Variants in ITSN2 observed in about 807,000 individuals in gnomAD.
The protein encoded by ITSN2 is intersectin-2.
ITSN2 carries 156 observed loss-of-function variants against 243.7 expected under a neutral mutation model. That is an observed-to-expected ratio of 0.64 (90% CI 0.56 to 0.73). ITSN2 has a LOEUF of 0.73. ITSN2 is among the 30% of genes least tolerant of loss of function. The probability of loss-of-function intolerance (pLI) is 0.00; values close to 1 mark genes in which losing one functional copy is unlikely to be tolerated. For missense variants in ITSN2, 1,801 were observed against 1,996.1 expected, an observed-to-expected ratio of 0.90 and a Z score of 1.86; for synonymous variants, 703 against 699.9, an observed-to-expected ratio of 1.00 and a Z score of -0.07.
In ITSN2 at chr2:24,298,592, G is replaced by A. The variant is rs74323323; in HGVS notation, c.1494+73C>T. 1.4e-3 allele frequency: 2,048 copies of A among 1,421,438 alleles called. 18 individuals carry two copies. The African/African-American group carries it at 0.021, about 14-fold the overall frequency. 88.1% of individuals were successfully genotyped at this position (1,421,438 alleles called of 1,614,324 possible). On this transcript the variant is annotated intron_variant, in intron 13 of 39. Coordinates refer to ENST00000355123, the MANE Select transcript of ITSN2 (RefSeq NM_006277.3). ...ATAACAGGTGTGAGCCACCACGCCTGGCCCACAATTACATTTTTCAACAGG... is the reference window on the plus strand; with the variant it reads ...ATAACAGGTGTGAGCCACCACGCCTAGCCCACAATTACATTTTTCAACAGG...
intron 14 of ITSN2, among the ~76,000 whole-genome samples, chr2:24,294,661 G>A (rs566655275): frequency 6.6e-6 from 1 of 152,142 alleles, no homozygotes; most frequent in Non-Finnish European, 1.5e-5. Flanking sequence ...AGGACCCCAA[G>A]GGACATATTC....
intron 31 of ITSN2, among the ~76,000 whole-genome samples, chr2:24,216,605 T>C (rs2151127082): frequency 6.6e-6 from 1 of 151,778 alleles, no homozygotes; most frequent in South Asian, 2.1e-4. Flanking sequence ...AAATGAAAAA[T>C]TAGCTGGGCA....
chr2:24,340,882 TAAG>T (rs1686985723), intron 1 of ITSN2, among the ~76,000 whole-genome samples: 4 of 151,972 alleles, frequency 2.6e-5, no homozygotes, highest in Admixed American at 6.6e-5. Context: ...AAAAAATATA[TAAG>T]AAGACTGGTC....
At position 24,217,847 on chromosome 2, in the gene ITSN2, T is replaced by TG. The variant is rs1670111477; in HGVS notation, c.3806+59dup. On this transcript the variant is annotated intron_variant, in intron 31 of 39. Transcript: ENST00000355123. ...AGAAGCCCTTGCAGAGGGTTTTGTG[T>TG]GAGTCTCAGTCTGGGGGCTTTGGGG... 4 of 1,146,960 alleles carry TG rather than the reference T, an allele frequency of 3.5e-6. No homozygotes were observed. In the South Asian group the frequency reaches 3.9e-5, roughly 11 times the overall value. The allele number at this position is 1,146,960 out of a possible 1,614,324, so 71.0% of individuals were successfully genotyped here.
At chr2:24,271,020 A>T (rs1677272730) in intron 19 of ITSN2, among the ~76,000 whole-genome samples, 1 of 152,136 alleles carries the variant, frequency 6.6e-6, no homozygotes, top group Non-Finnish European at 1.5e-5. Flanking sequence ...AAGCACACAC[A>T]TGGGTAGAAA....
At chr2:24,223,741 T>G (rs1253055944) in intron 29 of ITSN2, among the ~76,000 whole-genome samples, 11 of 75,850 alleles carry the variant, frequency 1.5e-4, no homozygotes, top group South Asian at 7.9e-4. Context: ...AAAGTGAATG[T>G]AAGGGGAAAG....
At chr2:24,220,577 A>C in intron 30 of ITSN2, 1 of 1,082,542 alleles carries the variant, frequency 9.2e-7, no homozygotes, top group Non-Finnish European at 1.1e-6. Context: ...AACAGATATT[A>C]GGCAAATATC....
intron 22 of ITSN2, among the ~76,000 whole-genome samples, chr2:24,259,977 A>G: frequency 6.6e-6 from 1 of 152,176 alleles, no homozygotes; most frequent in East Asian, 1.9e-4. Context: ...GCTGGAGTAC[A>G]GTGATATGAT....
chr2:24,286,791 G>C (rs1029790541), intron 15 of ITSN2, among the ~76,000 whole-genome samples: 1 of 152,082 alleles, frequency 6.6e-6, no homozygotes, highest in African/African-American at 2.4e-5. Flanking sequence ...CAAGAACAGG[G>C]AAATATTCAC....
intron 1 of ITSN2, among the ~76,000 whole-genome samples, chr2:24,334,305 C>T (rs1439253679): frequency 6.6e-6 from 1 of 152,100 alleles, no homozygotes; most frequent in Non-Finnish European, 1.5e-5. Context: ...GTGATCCGCC[C>T]GCCTCGGCTT....
rs1313922154 is a variant in ITSN2, at chr2:24,203,187, G to C, written c.*439C>G. 2 of 156,508 alleles carry C rather than the reference G, an allele frequency of 1.3e-5. No individual in the cohort carries two copies. The highest frequency in any genetic ancestry group is 2.8e-5 in the Non-Finnish European group (2 of 70,472). The allele number at this position is 156,508 out of a possible 1,614,324, so 9.7% of individuals were successfully genotyped here. A position where few individuals can be genotyped will look rare whatever the true frequency, so the allele number is the denominator to read the frequency against. ...TCAGGCCGCGCCAAGTGTCGAGGCT[G>C]CAGCCTCTCATCCTGACCCTTCCCC... On this transcript the variant is annotated 3_prime_UTR_variant, in exon 40 of 40. Coordinates refer to ENST00000355123, the MANE Select transcript of ITSN2 (RefSeq NM_006277.3).
intron 37 of ITSN2, 57 bp downstream of exon 37, chr2:24,208,180 G>T: frequency 7.1e-7 from 1 of 1,405,404 alleles, no homozygotes; most frequent in Non-Finnish European, 1.0e-6. Context: ...CAGGAGCAGT[G>T]GCCGGCATTC....
chr2:24,303,727 A>C lies in ITSN2; in HGVS notation c.857+72T>G, dbSNP rs1042815887. 9 of 961,956 alleles carry C rather than the reference A, an allele frequency of 9.4e-6. No homozygotes were observed. The Admixed American group carries it at 1.6e-4, about 17-fold the overall frequency. The allele number at this position is 961,956 out of a possible 1,614,324, so 59.6% of individuals were successfully genotyped here. ...TTTACAGAAACAGTATCTTTCTTGT[A>C]ATAGGGGAGAGAGAGTTTAATTAAT... On this transcript the variant is annotated intron_variant, in intron 9 of 39. Transcript: ENST00000355123.
At chr2:24,208,984 G>A (rs1458326237) in intron 36 of ITSN2, 116 bp downstream of exon 36, 1 of 1,176,370 alleles carries the variant, frequency 8.5e-7, no homozygotes, top group South Asian at 1.4e-5. Context: ...GTTAAGAGAG[G>A]TTCAGGATAC....
rs572050200 is a variant in ITSN2 at position 24,203,987 on chromosome 2, C to A, written c.4937-204G>T. The A allele has an allele frequency of 9.4e-6, 6 of 641,278 alleles. No individual in the cohort carries two copies. In the East Asian group the frequency reaches 1.6e-4, roughly 18 times the overall value. The allele number at this position is 641,278 out of a possible 1,614,324, so 39.7% of individuals were successfully genotyped here. A position where few individuals can be genotyped will look rare whatever the true frequency, so the allele number is the denominator to read the frequency against. Reference sequence around the variant, plus strand: ...AGAAGCTGCCACATGGAATTCAAATCTCCATTCTGAGAATGCTCCAGGAGT... The same window carrying A: ...AGAAGCTGCCACATGGAATTCAAATATCCATTCTGAGAATGCTCCAGGAGT... On this transcript the variant is annotated intron_variant, in intron 39 of 39. Transcript: ENST00000355123.
chr2:24,217,945 GT>G lies in ITSN2; in HGVS notation c.3767del (p.Asn1256ThrfsTer13), dbSNP rs1558438144. On this transcript the variant is annotated frameshift_variant, in exon 31 of 40. Transcript: ENST00000355123. LOFTEE classifies it high-confidence loss of function. The stretch of plus-strand genomic sequence containing the variant: ...TGTTGGACATGATGAGCTCCTTCCA[GT>G]TAACAAAAATCAGGGCCATCTCCCC... The part of the protein sequence containing the change: ...TEGEMALIFV[N>X]WKELIMSNTK... 6.2e-7 allele frequency: 1 copy of G among 1,614,018 alleles called. No homozygotes were observed. The highest frequency in any genetic ancestry group is 1.1e-5 in the South Asian group (1 of 91,074).
chr2:24,286,450 A>G (rs1355997979), intron 15 of ITSN2, 99 bp from the exon 16 acceptor site: 1 of 949,610 alleles, frequency 1.1e-6, no homozygotes, highest in African/African-American at 1.6e-5. Context: ...AACTAGACCA[A>G]TACGAAGGAT....
chr2:24,258,345 AATGTGTACTCAAGAAATGT>A (rs1183054877), intron 22 of ITSN2, among the ~76,000 whole-genome samples: 2 of 152,230 alleles, frequency 1.3e-5, no homozygotes, highest in African/African-American at 4.8e-5. Context: ...GAAGGTAAAT[AATGTGTACTCAAGAAATGT>A]ATTCACACAT....
At position 24,241,646 on chromosome 2, in the gene ITSN2, T is replaced by C. The variant is rs368193352; in HGVS notation, c.3577+4483A>G. The C allele has an allele frequency of 7.9e-5, 12 of 152,764 alleles. No homozygotes were observed. The East Asian group carries it at 1.9e-3, about 25-fold the overall frequency. 9.5% of individuals were successfully genotyped at this position (152,764 alleles called of 1,614,324 possible). On this transcript the variant is annotated intron_variant, in intron 29 of 39. Coordinates refer to ENST00000355123, the MANE Select transcript of ITSN2 (RefSeq NM_006277.3). ...AAACAAATCTAAATGTCAGTACTCA[T>C]AGTGGCATATTACAAAGTAATAAAC...
Sources: allele counts gnomAD v4.1 joint callset (sites outside exome capture counted in the v4.1 genomes callset), GRCh38; gene constraint gnomAD v4.1.1; transcripts MANE v1.5; gene names NCBI Gene and HGNC (gene_info 2026-07-23, HGNC 2026-07-21).